The following PUDP variants were observed in gnomAD, a reference collection of about 807,000 sequenced individuals.
The protein encoded by PUDP is pseudouridine 5'-phosphatase, also known as pseudouridine-5'-phosphatase.
A neutral mutation model predicts 9.4 loss-of-function variants in PUDP; 8 were observed. The ratio of observed to expected loss-of-function variants is 0.85; its 90% CI spans 0.50 to 1.53. The LOEUF is 1.53. Ranked by LOEUF, PUDP falls within the 40% of genes most tolerant of loss-of-function variation. The probability of loss-of-function intolerance (pLI) is 0.00; values close to 1 mark genes in which losing one functional copy is unlikely to be tolerated. For missense variants in PUDP, 188 were observed against 189.7 expected, an observed-to-expected ratio of 0.99 and a Z score of 0.05; for synonymous variants, 99 against 80.7, an observed-to-expected ratio of 1.23 and a Z score of -1.22.
chrX:6,917,689 G>A (rs959145712), intron 3 of PUDP, among the ~76,000 whole-genome samples: 7 of 111,989 alleles, frequency 6.3e-5, no homozygotes, highest in Non-Finnish European at 1.3e-4. Flanking sequence ...TTAAATGAGT[G>A]GCTAAATGTG....
intron 3 of PUDP, among the ~76,000 whole-genome samples, chrX:6,888,678 A>C (rs1050814450): frequency 9.0e-6 from 1 of 110,592 alleles, no homozygotes; most frequent in Non-Finnish European, 1.9e-5. Context: ...AAAACAAAAA[A>C]AGGAGGAAAT....
chrX:7,077,570 T>C (rs1930954426), intron 2 of PUDP, 121 bp from the exon 3 acceptor site: 2 of 524,829 alleles, frequency 3.8e-6, no homozygotes. Context: ...TTTGAGGAAT[T>C]TCTGACCTAG....
chrX:7,000,742 AT>A (rs1306105355), intron 1 of PUDP, among the ~76,000 whole-genome samples: 2 of 108,599 alleles, frequency 1.8e-5, no homozygotes, highest in Non-Finnish European at 3.8e-5. Context: ...TTTATTCCTG[AT>A]TTTTTTTACA....
At chrX:7,099,040 C>T (rs1413193198) in intron 2 of PUDP, among the ~76,000 whole-genome samples, 1 of 112,405 alleles carries the variant, frequency 8.9e-6, no homozygotes, top group Non-Finnish European at 1.9e-5. Context: ...CTCTAGGAAT[C>T]TCATGCTTAG....
chrX:6,849,450 T>C (rs1926796642), intron 3 of PUDP, among the ~76,000 whole-genome samples: 1 of 111,745 alleles, frequency 8.9e-6, no homozygotes, highest in African/African-American at 3.3e-5. Context: ...CTGGATTCTT[T>C]ATGCTTGAGT....
chrX:6,708,729 ACAACC>A (rs954706460), intron 1 of PUDP, among the ~76,000 whole-genome samples: 1 of 111,956 alleles, frequency 8.9e-6, no homozygotes, highest in African/African-American at 3.3e-5. Context: ...AGGTCCCAAG[ACAACC>A]CTCTGAGGAT....
Position 6,830,689 on chromosome X carries a change from C to T in PUDP, c.*248-124223G>A, listed in dbSNP as rs1005412900. Among the ~76,000 whole-genome samples the T allele has an allele frequency of 3.6e-5, 4 of 112,297 alleles. No individual in the cohort carries two copies. The Admixed American group carries it at 3.8e-4, about 11-fold the overall frequency. Reference sequence around the variant, plus strand: ...GAGATACGAAGCCTAGGGGTTACTACTGTAGCCAAATTAGCACAGTGTTTT... The same window carrying T: ...GAGATACGAAGCCTAGGGGTTACTATTGTAGCCAAATTAGCACAGTGTTTT... On this transcript the variant is annotated intron_variant and NMD_transcript_variant, in intron 3 of 3. Transcript: ENST00000655425.
chrX:7,143,981 T>C (rs1331225835), intron 1 of PUDP, among the ~76,000 whole-genome samples: 2 of 111,790 alleles, frequency 1.8e-5, no homozygotes, highest in Non-Finnish European at 3.8e-5. Context: ...AGAAAGAATG[T>C]GAACCTACCA....
chrX:6,720,252 G>GTATA (rs1424261782), intron 1 of PUDP, among the ~76,000 whole-genome samples: 2 of 32,982 alleles, frequency 6.1e-5, no homozygotes, highest in African/African-American at 1.6e-4. Context: ...GTATGTGTGT[G>GTATA]TGTGTGTATA....
At chrX:6,851,486 T>G (rs1487612804) in intron 3 of PUDP, among the ~76,000 whole-genome samples, 1 of 110,201 alleles carries the variant, frequency 9.1e-6, no homozygotes, top group Non-Finnish European at 1.9e-5. Context: ...GAGAGGAAGA[T>G]GGAGAGAAAG....
chrX:6,823,904 T>C (rs1457698082), intron 3 of PUDP, among the ~76,000 whole-genome samples: 1 of 112,609 alleles, frequency 8.9e-6, no homozygotes, highest in East Asian at 2.8e-4. Context: ...AGCATGCTAA[T>C]GCATTATAAT....
intron 2 of PUDP, among the ~76,000 whole-genome samples, chrX:7,080,050 G>A (rs763692439): frequency 7.1e-5 from 8 of 112,008 alleles, no homozygotes; most frequent in Non-Finnish European, 1.3e-4. Flanking sequence ...CGAGTTGTTT[G>A]AGAAGAGCAA....
At chrX:6,831,237 T>C (rs908438105) in intron 3 of PUDP, among the ~76,000 whole-genome samples, 1 of 112,210 alleles carries the variant, frequency 8.9e-6, no homozygotes, top group Non-Finnish European at 1.9e-5. Flanking sequence ...ACAATAGTGA[T>C]GTTATTCCCA....
intron 2 of PUDP, among the ~76,000 whole-genome samples, chrX:7,095,713 A>G (rs1306467976): frequency 1.8e-5 from 2 of 112,377 alleles, no homozygotes; most frequent in Non-Finnish European, 3.8e-5. Context: ...CTCAACACTG[A>G]GGCCTGCTGC....
At chrX:7,037,785 C>A (rs1417974967) in intron 1 of PUDP, among the ~76,000 whole-genome samples, 1 of 112,210 alleles carries the variant, frequency 8.9e-6, no homozygotes, top group Non-Finnish European at 1.9e-5. Flanking sequence ...CTTTCAAATT[C>A]ATTCCTTTTT....
intron 2 of PUDP, among the ~76,000 whole-genome samples, chrX:7,104,502 C>T (rs1358417688): frequency 8.9e-6 from 1 of 111,963 alleles, no homozygotes; most frequent in Non-Finnish European, 1.9e-5. Flanking sequence ...AGACTTATCA[C>T]TACTGAACTG....
In PUDP at chrX:7,131,936, C is replaced by T. The variant is rs756299936; in HGVS notation, c.61+16117G>A. ...CACCTCAGTGACTCCCCAACCCTTC[C>T]GGTGGCTCATTTGGGATGCGTTTGC... On this transcript the variant is annotated intron_variant, in intron 1 of 3. Transcript: ENST00000381077. Among the ~76,000 whole-genome samples, 3 of 109,806 alleles carry T rather than the reference C, an allele frequency of 2.7e-5. No homozygotes were observed. In the Admixed American group the frequency reaches 2.9e-4, roughly 11 times the overall value.
At chrX:6,833,351 C>T (rs945959639) in intron 3 of PUDP, among the ~76,000 whole-genome samples, 2 of 108,172 alleles carry the variant, frequency 1.8e-5, no homozygotes, top group Non-Finnish European at 3.8e-5. Flanking sequence ...ATGGGAAGAT[C>T]GGTGGGTAAA....
chrX:7,046,246 G>A (rs1251749760), downstream of PUDP, among the ~76,000 whole-genome samples: 2 of 111,957 alleles, frequency 1.8e-5, no homozygotes, highest in Admixed American at 9.5e-5. Flanking sequence ...AGGTCATTAT[G>A]GTGGACTCTG....
Sources: gnomAD v4.1 joint callset for allele counts (sites outside exome capture counted in the v4.1 genomes callset) on GRCh38, gnomAD v4.1.1 for gene constraint, MANE v1.5 for transcripts, NCBI Gene and HGNC (gene_info 2026-07-23, HGNC 2026-07-21) for gene names.